PCDHGB3: variants seen among roughly 807,000 people sequenced by gnomAD.
The protein encoded by PCDHGB3 is protocadherin gamma subfamily B, 3, also known as protocadherin gamma-B3.
In PCDHGB3, 40 loss-of-function variants were observed where a neutral mutation model predicts 59.2. The observed-to-expected ratio is 0.68, with a 90% CI of 0.52 to 0.88. The LOEUF is 0.88. Among genes scored for constraint, PCDHGB3 ranks in the 40% least tolerant of loss-of-function variants. The probability of loss-of-function intolerance (pLI) is 0.00; values close to 1 mark genes in which losing one functional copy is unlikely to be tolerated. For synonymous variants in PCDHGB3, 581 were observed against 503.6 expected (o/e 1.15, Z -2.06); for missense variants, 1,309 against 1,187.9 (o/e 1.10, Z -1.50).
intron 1 of PCDHGB3, among the ~76,000 whole-genome samples, chr5:141,459,575 G>T (rs2098970751): frequency 1.3e-5 from 2 of 152,132 alleles, no homozygotes; most frequent in Admixed American, 6.5e-5. Context: ...AAACAGAATT[G>T]TTTTGGGGGT....
In PCDHGB3 at chr5:141,413,895, T is replaced by C. The variant is rs749075692; in HGVS notation, c.2415+41086T>C. On this transcript the variant is annotated intron_variant, in intron 1 of 3. Transcript: ENST00000576222. ...TCAGTGTGACTGTCTTCGATGCAAATGACAACGCGCCGGTCTTCACCTTGC... is the reference window on the plus strand; with the variant it reads ...TCAGTGTGACTGTCTTCGATGCAAACGACAACGCGCCGGTCTTCACCTTGC... 7 of 1,613,190 alleles carry C rather than the reference T, an allele frequency of 4.3e-6. No individual in the cohort carries two copies. The South Asian group carries it at 6.6e-5, about 15-fold the overall frequency.
chr5:141,424,026 C>G, intron 1 of PCDHGB3: 1 of 1,041,918 alleles, frequency 9.6e-7, no homozygotes, highest in Non-Finnish European at 1.2e-6. Context: ...TTCACAAACA[C>G]TTTTTATTTC....
At chr5:141,482,673 G>A (rs1278135239) in intron 1 of PCDHGB3, among the ~76,000 whole-genome samples, 1 of 152,156 alleles carries the variant, frequency 6.6e-6, no homozygotes, top group Non-Finnish European at 1.5e-5. Context: ...TAAAGGTTGA[G>A]TAGTAGCTTG....
intron 1 of PCDHGB3, among the ~76,000 whole-genome samples, chr5:141,472,178 A>G (rs1337942457): frequency 6.6e-6 from 1 of 152,210 alleles, no homozygotes; most frequent in African/African-American, 2.4e-5. Flanking sequence ...AATATCCAGT[A>G]TTGGAATTTG....
intron 1 of PCDHGB3, among the ~76,000 whole-genome samples, chr5:141,468,788 C>T (rs2099179417): frequency 6.6e-6 from 1 of 151,926 alleles, no homozygotes; most frequent in Admixed American, 6.6e-5. Context: ...ATGGCGTGAA[C>T]CCGGGAGGCG....
chr5:141,408,071 T>C, intron 1 of PCDHGB3: 4 of 1,384,774 alleles, frequency 2.9e-6, no homozygotes, highest in Non-Finnish European at 2.9e-6. Context: ...GCGCAGACCT[T>C]TCCCAGCACA....
chr5:141,474,500 C>G (rs183956979), intron 1 of PCDHGB3, among the ~76,000 whole-genome samples: 31 of 152,324 alleles, frequency 2.0e-4, no homozygotes, highest in African/African-American at 6.3e-4. Context: ...CTTCTAATGC[C>G]TATCAGCCCT....
Position 141,490,970 on chromosome 5 carries a change from A to G in PCDHGB3, c.2416-3837A>G. ...CCAGACTGGGAACACTCAGCCCCCC[A>G]GCGTCTCCCTCGCTCTGCTCCTCCT... On this transcript the variant is annotated intron_variant, in intron 1 of 3. Coordinates refer to ENST00000576222, the MANE Select transcript of PCDHGB3 (RefSeq NM_018924.5). This position sits in a 1 kb window ranked among gnomAD's most constrained non-coding sequence, Gnocchi z 5.4. 1 of 1,613,858 alleles carries G rather than the reference A, an allele frequency of 6.2e-7. No individual in the cohort carries two copies. Among genetic ancestry groups the G allele is most frequent in the South Asian group, 1.1e-5 (1 of 91,062 alleles).
intron 1 of PCDHGB3, chr5:141,403,162 T>C (rs745617954): frequency 9.3e-6 from 15 of 1,613,862 alleles, no homozygotes; most frequent in African/African-American, 2.7e-5. Flanking sequence ...TCTCTAGAGG[T>C]AGGACGCAGC....
chr5:141,509,303 G>A (rs911736752), intron 3 of PCDHGB3, among the ~76,000 whole-genome samples: 1 of 152,210 alleles, frequency 6.6e-6, no homozygotes, highest in Admixed American at 6.5e-5. Context: ...GGAGGCAGAG[G>A]GAGGCTGGGA....
intron 1 of PCDHGB3, chr5:141,423,465 G>T: frequency 6.2e-7 from 1 of 1,614,006 alleles, no homozygotes; most frequent in South Asian, 1.1e-5. Context: ...GCGTGGACGG[G>T]GTACAGGCTT....
In PCDHGB3 at chr5:141,486,757, C is replaced by A; in HGVS notation, c.2416-8050C>A. 5 of 1,614,228 alleles carry A rather than the reference C, an allele frequency of 3.1e-6. No homozygotes were observed. Among genetic ancestry groups the A allele is most frequent in the Non-Finnish European group, 4.2e-6 (5 of 1,180,036 alleles). ...CTCGATCCTTTGACTATGAGCAAAC[C>A]CAGACACTGCAGTTTGAGGTGCAGG... On this transcript the variant is annotated intron_variant, in intron 1 of 3. Coordinates refer to ENST00000576222, the MANE Select transcript of PCDHGB3 (RefSeq NM_018924.5). This position sits in a 1 kb window ranked among gnomAD's most constrained non-coding sequence, Gnocchi z 5.0.
At chr5:141,399,979 C>A (rs1402446986) in intron 1 of PCDHGB3, 5 of 1,612,154 alleles carry the variant, frequency 3.1e-6, no homozygotes, top group Non-Finnish European at 4.2e-6. Context: ...CCTGGGGCTG[C>A]GCACAGGAGA....
At chr5:141,409,960 C>T (rs1182396334) in intron 1 of PCDHGB3, 1 of 1,613,416 alleles carries the variant, frequency 6.2e-7, no homozygotes. Context: ...AGCCCGGCTA[C>T]CTAGTGACTA....
intron 1 of PCDHGB3, chr5:141,402,998 C>G: frequency 6.2e-7 from 1 of 1,613,908 alleles, no homozygotes; most frequent in Non-Finnish European, 8.5e-7. Context: ...ATTAGTCCTG[C>G]TATGCTCGCT....
At chr5:141,413,012 A>T in intron 1 of PCDHGB3, 1 of 657,714 alleles carries the variant, frequency 1.5e-6, no homozygotes, top group Non-Finnish European at 2.5e-6. Context: ...GGCTTCAACT[A>T]CACAAGCCCC....
In PCDHGB3 at chr5:141,371,466, GA is replaced by G. The variant is rs756224078; in HGVS notation, c.1074del (p.Asp359MetfsTer10). The G allele has an allele frequency of 6.2e-7, 1 of 1,613,980 alleles. No homozygotes were observed. The highest frequency in any genetic ancestry group is 8.5e-7 in the Non-Finnish European group (1 of 1,179,870). On this transcript the variant is annotated frameshift_variant, in exon 1 of 4. Transcript: ENST00000576222. LOFTEE classifies it high-confidence loss of function. ...GGCTTCTGAATCCCAACATATACAA[GA>G]AGATGCTGAGCTGGGGACTGCCGTT... ...TLASESQHIQ[E>X]DAELGTAVAL...
At chr5:141,419,472 G>T in intron 1 of PCDHGB3, 1 of 1,612,328 alleles carries the variant, frequency 6.2e-7, no homozygotes, top group South Asian at 1.1e-5. Flanking sequence ...CGCGACCAGG[G>T]CTCGCCCGCG....
chr5:141,373,015 TG>T (rs1769262754), intron 1 of PCDHGB3, among the ~76,000 whole-genome samples: 1 of 152,232 alleles, frequency 6.6e-6, no homozygotes, highest in Non-Finnish European at 1.5e-5. Flanking sequence ...AGCCTCCTTT[TG>T]ATAGTCTTGA....
Sources: gnomAD v4.1 joint callset for allele counts (sites outside exome capture counted in the v4.1 genomes callset) on GRCh38, gnomAD v4.1.1 for gene constraint, Gnocchi (gnomAD v3.1) non-coding constraint, MANE v1.5 for transcripts, NCBI Gene and HGNC (gene_info 2026-07-23, HGNC 2026-07-21) for gene names.